The following GABBR2 variants were observed in gnomAD, a reference collection of about 807,000 sequenced individuals.
The protein encoded by GABBR2 is G-protein coupled receptor 51.
GABBR2 carries 23 observed loss-of-function variants against 105.6 expected under a neutral mutation model. The observed-to-expected ratio is 0.22, with a 90% CI of 0.16 to 0.31. The LOEUF (loss-of-function observed/expected upper bound fraction) is 0.31, where lower values mean the gene tolerates loss of function less well. Ranked by LOEUF, GABBR2 falls within the 10% of genes least tolerant of loss-of-function variation. The pLI is 1.00. For missense variants in GABBR2, 734 were observed against 1,245.5 expected, an observed-to-expected ratio of 0.59 and a Z score of 6.18; for synonymous variants, 478 against 499.7, an observed-to-expected ratio of 0.96 and a Z score of 0.58.
At chr9:98,419,713 G>A (rs1465761880) in intron 7 of GABBR2, among the ~76,000 whole-genome samples, 1 of 152,114 alleles carries the variant, frequency 6.6e-6, no homozygotes, top group Non-Finnish European at 1.5e-5. Context: ...AATCTTCATT[G>A]ACATCCCCTC....
At position 98,306,532 on chromosome 9, in the gene GABBR2, TCCTGCTGAGC is replaced by T; in HGVS notation, c.2005-197_2005-188del. Reference sequence around the variant, plus strand: ...TGTCCCCACTTGTGGCCCTGCTGAGTCCTGCTGAGCAAATGCAGACTGGGGATGTGACAGC... The same window carrying T: ...TGTCCCCACTTGTGGCCCTGCTGAGTAAATGCAGACTGGGGATGTGACAGC... On this transcript the variant is annotated intron_variant, in intron 14 of 18. Transcript: ENST00000259455. This position sits in a 1 kb window ranked among gnomAD's most constrained non-coding sequence, Gnocchi z 5.4. 1.5e-5 allele frequency: 9 copies of T among 614,218 alleles called. 1 individual carries two copies. In the South Asian group the frequency reaches 1.7e-4, roughly 12 times the overall value. 38.0% of individuals were successfully genotyped at this position (614,218 alleles called of 1,614,324 possible).
At chr9:98,512,609 T>C (rs942807227) in intron 3 of GABBR2, among the ~76,000 whole-genome samples, 3 of 151,870 alleles carry the variant, frequency 2.0e-5, no homozygotes, top group Non-Finnish European at 4.4e-5. Context: ...TATACACCAA[T>C]AACAGACAAA....
At chr9:98,522,139 A>G (rs765630809) in intron 3 of GABBR2, among the ~76,000 whole-genome samples, 1 of 121,956 alleles carries the variant, frequency 8.2e-6, no homozygotes, top group African/African-American at 2.8e-5. Context: ...GCAGAATTTA[A>G]TTGTAAAAAA....
intron 11 of GABBR2, among the ~76,000 whole-genome samples, chr9:98,384,337 A>T (rs1229623278): frequency 6.6e-6 from 1 of 152,132 alleles, no homozygotes; most frequent in Non-Finnish European, 1.5e-5. Flanking sequence ...ACCCCCTTTA[A>T]AAAAATAACT....
chr9:98,325,583 C>A (rs1830908676), intron 13 of GABBR2, among the ~76,000 whole-genome samples: 1 of 152,108 alleles, frequency 6.6e-6, no homozygotes. Flanking sequence ...TGAGCCACTG[C>A]ACCTGGCCTA....
At position 98,629,919 on chromosome 9, in the gene GABBR2, A is replaced by G. The variant is rs147203703; in HGVS notation, c.322-51847T>C. On this transcript the variant is annotated intron_variant, in intron 1 of 18. Coordinates refer to ENST00000259455, the MANE Select transcript of GABBR2 (RefSeq NM_005458.8). ...ATTAAGATGAATATATTAATATTAC[A>G]TCAAAACATTTTCTCCAATCTACAA... is the stretch of plus-strand genomic sequence containing the variant. Among the ~76,000 whole-genome samples the G allele has an allele frequency of 2.8e-4, 43 of 152,336 alleles. 1 individual carries two copies. In the East Asian group the frequency reaches 4.4e-3, roughly 16 times the overall value.
At chr9:98,599,506 G>T (rs10819074) in intron 1 of GABBR2, among the ~76,000 whole-genome samples, 82,617 of 152,132 alleles carry the variant, frequency 0.54, 23,839 homozygotes, top group Non-Finnish European at 0.65. Flanking sequence ...GAAACCAGGG[G>T]AATCTTAAAG....
Position 98,546,976 on chromosome 9 carries a change from C to T in GABBR2, c.460-4933G>A, listed in dbSNP as rs1301922618. 8.3e-5 allele frequency among the ~76,000 whole-genome samples: 10 copies of T among 120,636 alleles called. 1 individual carries two copies. Among genetic ancestry groups the T allele is most frequent in the African/African-American group, 2.7e-4 (10 of 37,602 alleles). 79.1% of individuals were successfully genotyped at this position (120,636 alleles called of 152,430 possible). ...GATGGCCCTGTGTTGCACTGACACA[C>T]GGCAGAATTTGGCTGGGCATGAAAT... On this transcript the variant is annotated intron_variant, in intron 2 of 18. Transcript: ENST00000259455.
chr9:98,566,953 A>G (rs1254807087), intron 2 of GABBR2, among the ~76,000 whole-genome samples: 1 of 152,140 alleles, frequency 6.6e-6, no homozygotes, highest in Non-Finnish European at 1.5e-5. Context: ...GGCTGGTGTT[A>G]ATCCCATTTT....
intron 11 of GABBR2, among the ~76,000 whole-genome samples, chr9:98,378,744 G>A (rs1354597167): frequency 6.6e-6 from 1 of 152,194 alleles, no homozygotes; most frequent in Non-Finnish European, 1.5e-5. Context: ...GGGGAGGAGG[G>A]TTGGGGCAGA....
At chr9:98,360,336 G>A (rs1227995587) in intron 13 of GABBR2, among the ~76,000 whole-genome samples, 7 of 152,206 alleles carry the variant, frequency 4.6e-5, no homozygotes, top group Admixed American at 3.3e-4. Flanking sequence ...AGGGCTGTGG[G>A]TGGACAGATC....
At chr9:98,397,324 T>C (rs1445689836) in intron 8 of GABBR2, among the ~76,000 whole-genome samples, 1 of 152,174 alleles carries the variant, frequency 6.6e-6, no homozygotes, top group East Asian at 1.9e-4. Flanking sequence ...AATCCTCTAG[T>C]TTTATCATTT....
At position 98,348,449 on chromosome 9, in the gene GABBR2, GT is replaced by G. The variant is rs571504544; in HGVS notation, c.1893+14265del. ...GTGGTTCCATATGAATTTTCAGATT[GT>G]TTTTTCTATTTCTGTGAAGAATGTC... On this transcript the variant is annotated intron_variant, in intron 13 of 18. Coordinates refer to ENST00000259455, the MANE Select transcript of GABBR2 (RefSeq NM_005458.8). Among the ~76,000 whole-genome samples, 172 of 152,260 alleles carry G rather than the reference GT, an allele frequency of 1.1e-3. 1 individual carries two copies. The highest frequency in any genetic ancestry group is 7.7e-3 in the South Asian group (37 of 4,816).
intron 1 of GABBR2, among the ~76,000 whole-genome samples, chr9:98,705,027 T>C (rs1211367982): frequency 6.6e-6 from 1 of 152,220 alleles, no homozygotes; most frequent in Non-Finnish European, 1.5e-5. Flanking sequence ...ATTTACCTTT[T>C]TACCTTGACT....
intron 1 of GABBR2, among the ~76,000 whole-genome samples, chr9:98,681,687 T>C (rs911399870): frequency 3.3e-5 from 5 of 152,210 alleles, no homozygotes; most frequent in African/African-American, 1.2e-4. Flanking sequence ...AATTATTTTT[T>C]ATAAAATCAG....
In GABBR2 at chr9:98,428,090, G is replaced by A. The variant is rs533726155; in HGVS notation, c.1237-21949C>T. Among the ~76,000 whole-genome samples, 173 of 152,254 alleles carry A rather than the reference G, an allele frequency of 1.1e-3. 4 individuals are homozygous for A. The highest frequency in any genetic ancestry group is 3.4e-3 in the Middle Eastern group (1 of 294). ...ACTACACTTTGGGATCATTTGTTAC[G>A]ACTTAACAGATAACTAATACAGGGC... is the stretch of plus-strand genomic sequence containing the variant. On this transcript the variant is annotated intron_variant, in intron 7 of 18. Transcript: ENST00000259455.
Position 98,708,654 on chromosome 9 carries a change from C to G in GABBR2, c.84G>C (p.Leu28=). The G allele has an allele frequency of 8.2e-7, 1 of 1,214,650 alleles. No individual in the cohort carries two copies. Among genetic ancestry groups the G allele is most frequent in the South Asian group, 4.0e-5 (1 of 24,730 alleles). 75.2% of individuals were successfully genotyped at this position (1,214,650 alleles called of 1,614,324 possible). The change falls in exon 1 of 19, where the codon CTG becomes CTC. Residue 28 remains leucine (L), a synonymous_variant. Transcript: ENST00000259455. ...GCGCCAGAGGCAGCAGCAGCGGCAG[C>G]AGCAGTAGCAGTAGCAGGCGCGCGG... The part of the protein sequence containing the change: ...PPPARLLLLL[L]LPLLLPLAPG...
At chr9:98,365,838 A>G (rs1023481425) in intron 12 of GABBR2, among the ~76,000 whole-genome samples, 1 of 151,966 alleles carries the variant, frequency 6.6e-6, no homozygotes, top group African/African-American at 2.4e-5. Context: ...AAAAAGAAGC[A>G]CTGATCTGAG....
rs150058987 is a variant in GABBR2, at chr9:98,447,358, C to T, written c.1236+6623G>A. ...GATTACAGGCGTGAGCCACCGCGCCCGGCCCCTAAAAAAGACTTCTATGAG... is the reference window on the plus strand; with the variant it reads ...GATTACAGGCGTGAGCCACCGCGCCTGGCCCCTAAAAAAGACTTCTATGAG... On this transcript the variant is annotated intron_variant, in intron 7 of 18. Coordinates refer to ENST00000259455, the MANE Select transcript of GABBR2 (RefSeq NM_005458.8). Among the ~76,000 whole-genome samples, 772 of 112,810 alleles carry T rather than the reference C, an allele frequency of 6.8e-3. 66 individuals carry two copies. The highest frequency in any genetic ancestry group is 0.022 in the African/African-American group (714 of 32,100). 74.0% of individuals were successfully genotyped at this position (112,810 alleles called of 152,430 possible).
Sources: allele counts gnomAD v4.1 joint callset (sites outside exome capture counted in the v4.1 genomes callset), GRCh38; gene constraint gnomAD v4.1.1; non-coding constraint Gnocchi (gnomAD v3.1); transcripts MANE v1.5; gene names NCBI Gene and HGNC (gene_info 2026-07-23, HGNC 2026-07-21).